GCNT1: variants seen among roughly 807,000 people sequenced by gnomAD.
GCNT1 encodes the protein glucosaminyl (N-acetyl) transferase 1.
In GCNT1, 16 loss-of-function variants were observed where a neutral mutation model predicts 26.2. The ratio of observed to expected loss-of-function variants is 0.61; its 90% CI spans 0.41 to 0.93. GCNT1 has a LOEUF of 0.93. GCNT1 is among the 40% of genes least tolerant of loss of function. The probability of loss-of-function intolerance (pLI) is 0.00; values close to 1 mark genes in which losing one functional copy is unlikely to be tolerated. For missense variants in GCNT1, 477 were observed against 526.7 expected (o/e 0.91, Z 0.92); for synonymous variants, 183 against 190.8 (o/e 0.96, Z 0.34).
intron 1 of GCNT1, among the ~76,000 whole-genome samples, chr9:76,423,001 G>A (rs1352386021): frequency 1.3e-5 from 2 of 152,164 alleles, no homozygotes; most frequent in Non-Finnish European, 2.9e-5. Context: ...GTTAACCTAG[G>A]CTAAACTATG....
At chr9:76,415,777 C>A (rs1327912687), upstream of GCNT1, among the ~76,000 whole-genome samples, 2 of 152,174 alleles carry the variant, frequency 1.3e-5, no homozygotes, top group Admixed American at 6.5e-5. Flanking sequence ...TGCTTGGGCC[C>A]CCTCTATCCC....
intron 1 of GCNT1, among the ~76,000 whole-genome samples, chr9:76,450,042 G>T (rs1037898097): frequency 2.6e-5 from 4 of 152,124 alleles, no homozygotes; most frequent in Non-Finnish European, 5.9e-5. Flanking sequence ...CAAAGTGCTG[G>T]GATTACAGGT....
At chr9:76,425,164 A>G (rs1823244193) in intron 1 of GCNT1, among the ~76,000 whole-genome samples, 1 of 147,728 alleles carries the variant, frequency 6.8e-6, no homozygotes, top group Non-Finnish European at 1.5e-5. Context: ...AAAAAAAGAC[A>G]TTGAACCATC....
At chr9:76,399,469 G>C in the GCNT1 span, 117 of 1,583,060 alleles carry the variant, frequency 7.4e-5, no homozygotes, top group Middle Eastern at 4.0e-4. Flanking sequence ...TGCCCTCTGT[G>C]CCTATTCAGC....
the GCNT1 span, among the ~76,000 whole-genome samples, chr9:76,403,721 C>T: frequency 2.0e-5 from 3 of 152,130 alleles, no homozygotes; most frequent in Non-Finnish European, 4.4e-5. Flanking sequence ...GATAAAAAGA[C>T]TGTCTTAATT....
chr9:76,395,365 A>G, the GCNT1 span, among the ~76,000 whole-genome samples: 1 of 152,176 alleles, frequency 6.6e-6, no homozygotes, highest in Non-Finnish European at 1.5e-5. Context: ...AATTCTGTGC[A>G]GACCGTGTAG....
the GCNT1 span, among the ~76,000 whole-genome samples, chr9:76,396,605 G>T: frequency 2.7e-4 from 41 of 150,504 alleles, no homozygotes; most frequent in Non-Finnish European, 5.6e-4. Context: ...ACTTTGGGAG[G>T]CTGAGGCCGG....
chr9:76,477,350 AC>A (rs1587437740), intron 2 of GCNT1, among the ~76,000 whole-genome samples: 2 of 144,754 alleles, frequency 1.4e-5, no homozygotes, highest in East Asian at 4.8e-4. Flanking sequence ...ACATGGTGAA[AC>A]CCCGTCTCTA....
At chr9:76,428,265 C>CAAAAAAAAAAAAAAAAAA (rs869195487) in intron 1 of GCNT1, among the ~76,000 whole-genome samples, 6 of 29,760 alleles carry the variant, frequency 2.0e-4, no homozygotes, top group African/African-American at 5.1e-4. Context: ...GACTCCGTCT[C>CAAAAAAAAAAAAAAAAAA]AAAAAAAAAA....
the GCNT1 span, among the ~76,000 whole-genome samples, chr9:76,407,126 A>G: frequency 0.34 from 50,846 of 151,596 alleles, 9,054 homozygotes; most frequent in Middle Eastern, 0.4. Flanking sequence ...ATAGTTTTGC[A>G]TTTTACAAAA....
At chr9:76,476,102 A>T (rs1824247447) in intron 2 of GCNT1, among the ~76,000 whole-genome samples, 1 of 152,196 alleles carries the variant, frequency 6.6e-6, no homozygotes, top group South Asian at 2.1e-4. Flanking sequence ...TGGAATAAGG[A>T]TACTTAATCT....
intron 2 of GCNT1, among the ~76,000 whole-genome samples, chr9:76,466,206 T>A (rs912903441): frequency 4.6e-5 from 7 of 152,282 alleles, no homozygotes; most frequent in Admixed American, 4.6e-4. Flanking sequence ...AAGTGTGATA[T>A]TCATGCAGGG....
In GCNT1 at chr9:76,502,332, G is replaced by C; in HGVS notation, c.-50G>C. The C allele has an allele frequency of 1.5e-6, 2 of 1,299,850 alleles. No individual in the cohort carries two copies. Among genetic ancestry groups the C allele is most frequent in the Non-Finnish European group, 2.2e-6 (2 of 914,452 alleles). 80.5% of individuals were successfully genotyped at this position (1,299,850 alleles called of 1,614,324 possible). A position where few individuals can be genotyped will look rare whatever the true frequency, so the allele number is the denominator to read the frequency against. On this transcript the variant is annotated 5_prime_UTR_variant, in exon 4 of 4. Coordinates refer to ENST00000376730, the MANE Select transcript of GCNT1 (RefSeq NM_001490.5). ...ACGGAGGGAAAATCATTGGTGCTTG[G>C]AGCATAGAAGACTGCCCTTCACAAA...
chr9:76,429,715 C>CTTTTT (rs59977325), intron 1 of GCNT1, among the ~76,000 whole-genome samples: 1 of 107,106 alleles, frequency 9.3e-6, no homozygotes, highest in Non-Finnish European at 1.9e-5. Context: ...TGTTTTCTTT[C>CTTTTT]TTTTTTTTTT....
Position 76,505,579 on chromosome 9 carries a change from A to T in GCNT1, c.*1911A>T, listed in dbSNP as rs1053676595. 2 of 166,788 alleles carry T rather than the reference A, an allele frequency of 1.2e-5. No individual in the cohort carries two copies. Among genetic ancestry groups the T allele is most frequent in the African/African-American group, 4.8e-5 (2 of 41,438 alleles). 10.3% of individuals were successfully genotyped at this position (166,788 alleles called of 1,614,324 possible). The stretch of plus-strand genomic sequence containing the variant: ...TACTCAGTGACATAGACTTTGTCTT[A>T]TAAACATTTTTTCATTTTTTATTTT... On this transcript the variant is annotated 3_prime_UTR_variant, in exon 4 of 4. Transcript: ENST00000376730.
At chr9:76,430,905 C>T (rs1256257870) in intron 1 of GCNT1, among the ~76,000 whole-genome samples, 1 of 151,744 alleles carries the variant, frequency 6.6e-6, no homozygotes, top group Non-Finnish European at 1.5e-5. Flanking sequence ...AGGCTGGTCT[C>T]GAACTCCTGA....
chr9:76,445,618 C>T (rs1378884072), intron 1 of GCNT1, among the ~76,000 whole-genome samples: 2 of 150,750 alleles, frequency 1.3e-5, no homozygotes, highest in Admixed American at 6.6e-5. Context: ...GTCTCGAACT[C>T]CCGAGCTCAA....
upstream of GCNT1, among the ~76,000 whole-genome samples, chr9:76,439,565 A>AC (rs957086300): frequency 6.6e-6 from 1 of 151,394 alleles, no homozygotes; most frequent in African/African-American, 2.4e-5. Flanking sequence ...AATGAAAAAA[A>AC]AATTTTGTCT....
upstream of GCNT1, among the ~76,000 whole-genome samples, chr9:76,458,119 T>G (rs1054250894): frequency 4.6e-5 from 7 of 152,062 alleles, no homozygotes; most frequent in African/African-American, 1.7e-4. Flanking sequence ...TGTTAATTTT[T>G]GTTGACAAAT....
Sources: allele counts gnomAD v4.1 joint callset (sites outside exome capture counted in the v4.1 genomes callset), GRCh38; gene constraint gnomAD v4.1.1; transcripts MANE v1.5; gene names NCBI Gene and HGNC (gene_info 2026-07-23, HGNC 2026-07-21).